HELZ: variants seen among roughly 807,000 people sequenced by gnomAD.
HELZ encodes ATP-dependent RNA helicase with zinc finger domain.
HELZ carries 23 observed loss-of-function variants against 218.2 expected under a neutral mutation model. The ratio of observed to expected loss-of-function variants is 0.11; its 90% CI spans 0.08 to 0.15. The LOEUF (loss-of-function observed/expected upper bound fraction) is 0.15. HELZ is among the 10% of genes least tolerant of loss of function. The pLI is 1.00. For missense variants in HELZ, 1,813 were observed against 2,353.7 expected (o/e 0.77, Z 4.75); for synonymous variants, 814 against 829.4 (o/e 0.98, Z 0.32).
intron 32 of HELZ, 54 bp from the exon 33 acceptor site, chr17:67,078,640 G>A (rs1598165329): frequency 7.9e-7 from 1 of 1,266,318 alleles, no homozygotes; most frequent in East Asian, 2.6e-5. Flanking sequence ...CAATGTTCAT[G>A]TGCCTCATTC....
At chr17:67,198,442 G>T (rs116912275) in intron 7 of HELZ, among the ~76,000 whole-genome samples, 1,637 of 152,252 alleles carry the variant, frequency 0.011, 32 homozygotes, top group Middle Eastern at 0.024. Flanking sequence ...TGGCTTTTAG[G>T]TTCCAAAGTG....
chr17:67,123,115 T>C lies in HELZ; in HGVS notation c.3485A>G (p.Tyr1162Cys). The change falls in exon 26 of 33, where the codon TAT becomes TGT. Residue 1162 changes from tyrosine to cysteine, a missense_variant. By Grantham distance (194) the Tyr-to-Cys change is radical. Transcript: ENST00000358691. ...AGGTCCAAGAGGGGGTGGAGGAGTA[T>C]ATGCTCTAATAGGATTGCCAATAAG... ...SVLIGNPIRAYTPPPPLGPHP... is the reference protein window; with the variant it reads ...SVLIGNPIRACTPPPPLGPHP... 3 of 1,613,710 alleles carry C rather than the reference T, an allele frequency of 1.9e-6. No homozygotes were observed. The highest frequency in any genetic ancestry group is 1.1e-5 in the South Asian group (1 of 91,058).
intron 6 of HELZ, 73 bp from the exon 7 acceptor site, chr17:67,201,258 C>G: frequency 1.1e-6 from 1 of 927,550 alleles, no homozygotes; most frequent in South Asian, 1.5e-5. Flanking sequence ...TAGCTCAATT[C>G]CTCTGTTGTT....
intron 21 of HELZ, among the ~76,000 whole-genome samples, chr17:67,144,935 G>C (rs1429448953): frequency 1.3e-5 from 2 of 152,180 alleles, no homozygotes; most frequent in Admixed American, 1.3e-4. Flanking sequence ...TATCAAGTGA[G>C]TACTGATGAT....
At chr17:67,244,150 AG>A (rs11291233) in intron 1 of HELZ, 49,665 of 267,968 alleles carry the variant, frequency 0.19, 4,757 homozygotes, top group African/African-American at 0.26. Context: ...CATTAATATG[AG>A]TTTAAGAGAG....
At chr17:67,202,019 C>CT (rs557831488) in intron 6 of HELZ, among the ~76,000 whole-genome samples, 17 of 150,938 alleles carry the variant, frequency 1.1e-4, no homozygotes, top group African/African-American at 3.2e-4. Flanking sequence ...TCCCTAACTT[C>CT]TTTTTTTTTA....
intron 17 of HELZ, 105 bp downstream of exon 17, chr17:67,160,156 C>CA: frequency 1.4e-6 from 1 of 691,870 alleles, no homozygotes; most frequent in Non-Finnish European, 2.5e-6. Flanking sequence ...AATGTCAATG[C>CA]ATAAAGACTT....
At chr17:67,168,427 A>G (rs1203152966) in intron 13 of HELZ, among the ~76,000 whole-genome samples, 1 of 152,240 alleles carries the variant, frequency 6.6e-6, no homozygotes, top group East Asian at 1.9e-4. Flanking sequence ...GAAATATTAT[A>G]TACTAATTAA....
intron 31 of HELZ, among the ~76,000 whole-genome samples, chr17:67,089,668 T>TATATATATATAGAGAGAGAGAGAGAG (rs71293575): frequency 4.2e-5 from 3 of 70,638 alleles, no homozygotes; most frequent in Non-Finnish European, 7.8e-5. Flanking sequence ...TATATATATA[T>TATATATATATAGAGAGAGAGAGAGAG]AGAGAGAGAG....
intron 32 of HELZ, among the ~76,000 whole-genome samples, chr17:67,079,815 C>T (rs149194037): frequency 2.6e-5 from 4 of 152,206 alleles, no homozygotes; most frequent in Non-Finnish European, 5.9e-5. Flanking sequence ...AACAGTTTTC[C>T]TTGTTTATTA....
chr17:67,128,572 T>C (rs1205981879), intron 24 of HELZ, 79 bp downstream of exon 24: 3 of 1,241,412 alleles, frequency 2.4e-6, no homozygotes, highest in African/African-American at 1.5e-5. Context: ...TTAAAGTAAC[T>C]TGCATCCCAA....
At chr17:67,232,990 T>A (rs143340708) in intron 3 of HELZ, among the ~76,000 whole-genome samples, 102 of 152,218 alleles carry the variant, frequency 6.7e-4, no homozygotes, top group African/African-American at 2.4e-3. Context: ...AAAAATTAGC[T>A]GGGCATGGTG....
At chr17:67,158,318 C>G (rs1358156737) in intron 17 of HELZ, among the ~76,000 whole-genome samples, 3 of 152,148 alleles carry the variant, frequency 2.0e-5, no homozygotes, top group Non-Finnish European at 4.4e-5. Context: ...CCTCTGCATC[C>G]TGGGACAATT....
chr17:67,113,973 G>C (rs1411525691), intron 28 of HELZ, among the ~76,000 whole-genome samples: 1 of 152,188 alleles, frequency 6.6e-6, no homozygotes, highest in African/African-American at 2.4e-5. Flanking sequence ...TGAGGGACCT[G>C]AGTAAGTCTT....
At chr17:67,225,984 G>A (rs1371052635) in intron 3 of HELZ, among the ~76,000 whole-genome samples, 5 of 152,086 alleles carry the variant, frequency 3.3e-5, no homozygotes, top group African/African-American at 9.7e-5. Flanking sequence ...ACTCCCTGAC[G>A]GGCGTGGTGG....
At chr17:67,148,756 C>A (rs774438755) in intron 19 of HELZ, 42 bp from the exon 20 acceptor site, 4 of 1,540,860 alleles carry the variant, frequency 2.6e-6, no homozygotes, top group Non-Finnish European at 3.5e-6. Flanking sequence ...ACTGAACATA[C>A]AAATAGTATT....
chr17:67,131,657 C>T lies in HELZ; in HGVS notation c.3183-2802G>A, dbSNP rs941020788. On this transcript the variant is annotated intron_variant, in intron 23 of 32. Transcript: ENST00000358691. Reference sequence around the variant, plus strand: ...CTACCATTCAGTAGCTGTGTGACTTCGTGCAGATTACTTAGCCTCTCTTTA... The same window carrying T: ...CTACCATTCAGTAGCTGTGTGACTTTGTGCAGATTACTTAGCCTCTCTTTA... 2.6e-5 allele frequency among the ~76,000 whole-genome samples: 4 copies of T among 151,914 alleles called. No individual in the cohort carries two copies. The East Asian group carries it at 5.8e-4, about 22-fold the overall frequency.
intron 31 of HELZ, among the ~76,000 whole-genome samples, chr17:67,105,780 C>G (rs1204882650): frequency 6.6e-6 from 1 of 152,130 alleles, no homozygotes; most frequent in Admixed American, 6.5e-5. Context: ...TATGTAGATA[C>G]CAATTCATCT....
chr17:67,120,686 G>A (rs919492021), intron 26 of HELZ, 74 bp from the exon 27 acceptor site: 1 of 985,632 alleles, frequency 1.0e-6, no homozygotes, highest in Non-Finnish European at 1.6e-6. Flanking sequence ...CTGCTGATTA[G>A]GGAAAAGCAA....
Sources: gnomAD v4.1 joint callset for allele counts (sites outside exome capture counted in the v4.1 genomes callset) on GRCh38, gnomAD v4.1.1 for gene constraint, MANE v1.5 for transcripts, NCBI Gene and HGNC (gene_info 2026-07-23, HGNC 2026-07-21) for gene names.